Variants in APBA2 observed in about 807,000 individuals in gnomAD.
APBA2 encodes the protein amyloid beta precursor protein binding family A member 2.
Under a neutral mutation model 75.0 loss-of-function variants are expected in APBA2, and 30 were observed. The ratio of observed to expected loss-of-function variants is 0.40; its 90% CI spans 0.30 to 0.54. The LOEUF is 0.54. Among genes scored for constraint, APBA2 ranks in the 20% least tolerant of loss-of-function variants. APBA2 has a pLI of 0.49. For synonymous variants in APBA2, 444 were observed against 409.6 expected (o/e 1.08, Z -1.01); for missense variants, 801 against 1,016.1 (o/e 0.79, Z 2.88).
chr15:29,057,859 G>A (rs1023924952), intron 4 of APBA2, among the ~76,000 whole-genome samples: 6 of 152,080 alleles, frequency 3.9e-5, no homozygotes, highest in African/African-American at 1.4e-4. Context: ...TCCCCATGCC[G>A]TACATCAACG....
At chr15:29,066,295 G>A (rs747378844) in intron 4 of APBA2, among the ~76,000 whole-genome samples, 2 of 152,146 alleles carry the variant, frequency 1.3e-5, no homozygotes, top group African/African-American at 2.4e-5. Context: ...TTGCTGCATT[G>A]CGGCCTTGTA....
chr15:29,049,529 T>C (rs1172562851), intron 3 of APBA2, among the ~76,000 whole-genome samples: 1 of 152,084 alleles, frequency 6.6e-6, no homozygotes, highest in East Asian at 1.9e-4. Context: ...AGGGTGGACA[T>C]TTTCCCTGGA....
intron 2 of APBA2, among the ~76,000 whole-genome samples, chr15:28,933,186 C>T (rs1402670577): frequency 6.6e-6 from 1 of 152,140 alleles, no homozygotes; most frequent in Non-Finnish European, 1.5e-5. Flanking sequence ...CACTTCTCAA[C>T]ATTGTTGCAT....
chr15:29,049,603 C>G (rs2041501968), intron 3 of APBA2, among the ~76,000 whole-genome samples: 1 of 152,188 alleles, frequency 6.6e-6, no homozygotes, highest in Admixed American at 6.5e-5. Context: ...GGCACCTCTT[C>G]ACATCTCAAC....
At chr15:28,982,578 T>C (rs2037682193) in intron 2 of APBA2, among the ~76,000 whole-genome samples, 1 of 152,240 alleles carries the variant, frequency 6.6e-6, no homozygotes, top group Non-Finnish European at 1.5e-5. Context: ...TCTGATGATA[T>C]ATATTTCTGC....
At chr15:29,065,171 C>T (rs370160629) in intron 4 of APBA2, among the ~76,000 whole-genome samples, 1 of 152,124 alleles carries the variant, frequency 6.6e-6, no homozygotes, top group Non-Finnish European at 1.5e-5. Flanking sequence ...CCGTACCTCC[C>T]GTTCTTGGGC....
chr15:29,057,173 T>C (rs1329767400), intron 4 of APBA2, among the ~76,000 whole-genome samples: 2 of 152,160 alleles, frequency 1.3e-5, no homozygotes, highest in African/African-American at 4.8e-5. Flanking sequence ...ATGGGCAATA[T>C]TGGTCACTTA....
At chr15:28,956,288 G>A (rs1484900624) in intron 2 of APBA2, among the ~76,000 whole-genome samples, 1 of 152,022 alleles carries the variant, frequency 6.6e-6, no homozygotes, top group Non-Finnish European at 1.5e-5. Flanking sequence ...CAAAGCACGA[G>A]TGCCATGGAC....
chr15:28,951,881 CTTTTTTTTTTTTTTTT>C (rs71414600), intron 2 of APBA2, among the ~76,000 whole-genome samples: 1 of 109,824 alleles, frequency 9.1e-6, no homozygotes, highest in Admixed American at 9.4e-5. Context: ...TGCACTCAGC[CTTTTTTTTTTTTTTTT>C]TTTTTTTTTT....
chr15:29,075,970 A>G (rs1456474640), intron 5 of APBA2, 85 bp from the exon 6 acceptor site: 6 of 1,258,482 alleles, frequency 4.8e-6, no homozygotes, highest in Non-Finnish European at 7.0e-6. Context: ...ATTATGGCTC[A>G]TATCACAGCC....
chr15:28,998,176 G>C (rs1295305315), intron 3 of APBA2, among the ~76,000 whole-genome samples: 1 of 151,324 alleles, frequency 6.6e-6, no homozygotes, highest in African/African-American at 2.4e-5. Flanking sequence ...AAAAGTTTGA[G>C]GCTCTTTTCT....
intron 1 of APBA2, among the ~76,000 whole-genome samples, chr15:28,896,568 C>G (rs1439645084): frequency 6.6e-6 from 1 of 152,202 alleles, no homozygotes; most frequent in Non-Finnish European, 1.5e-5. Flanking sequence ...CATGAGCCAC[C>G]GCGCCTGGCC....
At chr15:29,079,685 C>T (rs531115809) in intron 6 of APBA2, among the ~76,000 whole-genome samples, 1 of 152,202 alleles carries the variant, frequency 6.6e-6, no homozygotes, top group East Asian at 1.9e-4. Flanking sequence ...CCTGGGAAGC[C>T]CCTGTGTAAG....
intron 1 of APBA2, among the ~76,000 whole-genome samples, chr15:28,895,211 C>A (rs36190518): frequency 0.33 from 50,313 of 152,130 alleles, 9,157 homozygotes; most frequent in Non-Finnish European, 0.42. Context: ...GGTCCCCAGG[C>A]AGCTCCAGTG....
rs111755126 is a variant in APBA2 at position 28,953,723 on chromosome 15, G to A, written c.-95+31974G>A. On this transcript the variant is annotated intron_variant, in intron 2 of 14. Transcript: ENST00000683413. ...AAACACCTTCTTCCCTTGGCTTGTG[G>A]GGCACTCTGTGCTTGGGATTTTCTT... Among the ~76,000 whole-genome samples the A allele has an allele frequency of 7.0e-3, 1,071 of 152,140 alleles. 10 individuals carry two copies. Among genetic ancestry groups the A allele is most frequent in the Non-Finnish European group, 0.012 (790 of 68,004 alleles).
At chr15:29,042,636 A>G (rs1047412402) in intron 3 of APBA2, among the ~76,000 whole-genome samples, 3 of 152,334 alleles carry the variant, frequency 2.0e-5, no homozygotes, top group African/African-American at 7.2e-5. Context: ...TTGAGGGGAC[A>G]TAATTCAGCC....
intron 6 of APBA2, among the ~76,000 whole-genome samples, chr15:29,084,407 A>C (rs1382518312): frequency 1.3e-5 from 2 of 152,214 alleles, no homozygotes; most frequent in Non-Finnish European, 2.9e-5. Context: ...ATATGAAAAA[A>C]TAGCTTCAGT....
chr15:29,105,628 G>T, intron 11 of APBA2, 70 bp downstream of exon 11: 2 of 1,568,338 alleles, frequency 1.3e-6, no homozygotes, highest in Admixed American at 1.7e-5. Context: ...CCTGCAGAGC[G>T]AGCCTTCCCG....
In APBA2 at chr15:29,089,313, A is replaced by G. The variant is rs1230399696; in HGVS notation, c.1070-3762A>G. On this transcript the variant is annotated intron_variant, in intron 6 of 14. Coordinates refer to ENST00000683413, the MANE Select transcript of APBA2 (RefSeq NM_001353788.2). ...AAAATTGGGACCCTGAGATTGCTTC[A>G]TGGCGTGGTTGAGGACTGGGTGGAA... Among the ~76,000 whole-genome samples, 6 of 152,334 alleles carry G rather than the reference A, an allele frequency of 3.9e-5. No individual in the cohort carries two copies. The East Asian group carries it at 9.6e-4, about 24-fold the overall frequency.
Sources: allele counts gnomAD v4.1 joint callset (sites outside exome capture counted in the v4.1 genomes callset), GRCh38; gene constraint gnomAD v4.1.1; transcripts MANE v1.5; gene names NCBI Gene and HGNC (gene_info 2026-07-23, HGNC 2026-07-21).